The following CCDC14 variants were observed in gnomAD, a reference collection of about 807,000 sequenced individuals.
The protein encoded by CCDC14 is coiled-coil domain-containing protein 14.
CCDC14 carries 71 observed loss-of-function variants against 81.4 expected under a neutral mutation model. The ratio of observed to expected loss-of-function variants is 0.87; its 90% CI spans 0.72 to 1.06. CCDC14 has a LOEUF of 1.06. Among genes scored for constraint, CCDC14 ranks in the 50% least tolerant of loss-of-function variants. The pLI is 0.00. For synonymous variants in CCDC14, 332 were observed against 364.8 expected (o/e 0.91, Z 1.03); for missense variants, 1,046 against 1,047.3 (o/e 1.00, Z 0.02).
Position 123,913,922 on chromosome 3 carries a change from A to G in CCDC14, c.*857T>C. Reference sequence around the variant, plus strand: ...AAGCAGAGAGACCAACCTACTTCATATTATTTATAAAATAGAGAATATTCT... The same window carrying G: ...AAGCAGAGAGACCAACCTACTTCATGTTATTTATAAAATAGAGAATATTCT... On this transcript the variant is annotated 3_prime_UTR_variant, in exon 13 of 13. Transcript: ENST00000409697. 2.0e-6 allele frequency: 2 copies of G among 985,130 alleles called. No individual in the cohort carries two copies. The highest frequency in any genetic ancestry group is 2.4e-6 in the Non-Finnish European group (2 of 829,380). The allele number at this position is 985,130 out of a possible 1,614,324, so 61.0% of individuals were successfully genotyped here.
At chr3:123,906,428 A>G (rs181874039) in intron 5 of CCDC14, among the ~76,000 whole-genome samples, 148 of 144,898 alleles carry the variant, frequency 1.0e-3, no homozygotes, top group African/African-American at 3.8e-3. Context: ...AGACAAAGAA[A>G]TGAAAAAAAA....
At chr3:123,921,719 T>G (rs2035057358) in intron 12 of CCDC14, among the ~76,000 whole-genome samples, 1 of 152,138 alleles carries the variant, frequency 6.6e-6, no homozygotes, top group African/African-American at 2.4e-5. Flanking sequence ...ATAAAATACA[T>G]TAACACTAAC....
chr3:123,895,446 G>A (rs546878309), downstream of CCDC14, among the ~76,000 whole-genome samples: 1 of 152,320 alleles, frequency 6.6e-6, no homozygotes, highest in South Asian at 2.1e-4. Flanking sequence ...ATCCAGATCA[G>A]CATTGGTGGG....
At chr3:123,893,729 T>C (rs1308749298), downstream of CCDC14, among the ~76,000 whole-genome samples, 1 of 152,170 alleles carries the variant, frequency 6.6e-6, no homozygotes, top group Non-Finnish European at 1.5e-5. Context: ...CTCATTAATA[T>C]ATATTATTTT....
At chr3:123,895,833 G>C (rs905661188), downstream of CCDC14, among the ~76,000 whole-genome samples, 1 of 152,186 alleles carries the variant, frequency 6.6e-6, no homozygotes, top group African/African-American at 2.4e-5. Flanking sequence ...ATGTAAATTG[G>C]TACAACATTA....
intron 10 of CCDC14, 189 bp downstream of exon 10, chr3:123,933,484 A>G (rs1290358595): frequency 1.8e-6 from 1 of 566,452 alleles, no homozygotes; most frequent in Non-Finnish European, 3.1e-6. Context: ...AAGGAAACAC[A>G]CTCCTGTATT....
chr3:123,951,537 T>C (rs2037021548), intron 5 of CCDC14, among the ~76,000 whole-genome samples: 1 of 152,210 alleles, frequency 6.6e-6, no homozygotes, highest in Admixed American at 6.5e-5. Flanking sequence ...AAATCTAAAA[T>C]GATAGAGGGT....
rs1293429160 is a variant in CCDC14 at position 123,961,188 on chromosome 3, G to A, written c.-15C>T. 1.9e-6 allele frequency: 3 copies of A among 1,551,522 alleles called. No homozygotes were observed. The highest frequency in any genetic ancestry group is 2.4e-5 in the East Asian group (1 of 40,936). ...GACCTGACCATCTCTCGCCGCCTCA[G>A]AGAAGCCCAGACCGAGGGAAGTGAA... On this transcript the variant is annotated 5_prime_UTR_variant, in exon 1 of 13. Coordinates refer to ENST00000409697, the MANE Select transcript of CCDC14 (RefSeq NM_001366335.1).
chr3:123,933,457 G>T (rs770829599), intron 10 of CCDC14: 13 of 531,618 alleles, frequency 2.4e-5, no homozygotes, highest in Non-Finnish European at 4.3e-5. Flanking sequence ...AATTATATAT[G>T]AAGAGAAGAT....
intron 5 of CCDC14, among the ~76,000 whole-genome samples, chr3:123,904,025 G>A (rs780714042): frequency 1.6e-4 from 24 of 152,064 alleles, no homozygotes; most frequent in African/African-American, 5.3e-4. Flanking sequence ...AATTCCCTAC[G>A]TTAAATCTCT....
At chr3:123,909,690 C>T (rs2034399452), downstream of CCDC14, among the ~76,000 whole-genome samples, 1 of 152,130 alleles carries the variant, frequency 6.6e-6, no homozygotes. Flanking sequence ...TTGTAGTTTG[C>T]AAAACATTTT....
At chr3:123,917,679 T>C (rs775527857) in intron 12 of CCDC14, among the ~76,000 whole-genome samples, 3 of 151,370 alleles carry the variant, frequency 2.0e-5, no homozygotes, top group East Asian at 1.9e-4. Flanking sequence ...CAAATTAGCA[T>C]AGTAAAATAA....
intron 10 of CCDC14, 163 bp downstream of exon 10, chr3:123,933,509 CA>C (rs565263161): frequency 7.0e-6 from 4 of 574,800 alleles, no homozygotes; most frequent in Admixed American, 3.2e-5. Context: ...AACAAACAAA[CA>C]AAAAAAGGTG....
downstream of CCDC14, chr3:123,913,282 C>G: frequency 1.6e-6 from 1 of 640,994 alleles, no homozygotes; most frequent in Non-Finnish European, 1.9e-6. Context: ...TAATTGAACA[C>G]ACAAGCGTTT....
chr3:123,914,353 C>T lies in CCDC14; in HGVS notation c.*426G>A, dbSNP rs1287279326. 15 of 984,208 alleles carry T rather than the reference C, an allele frequency of 1.5e-5. No individual in the cohort carries two copies. The highest frequency in any genetic ancestry group is 1.6e-5 in the Non-Finnish European group (13 of 829,406). 61.0% of individuals were successfully genotyped at this position (984,208 alleles called of 1,614,324 possible). On this transcript the variant is annotated 3_prime_UTR_variant, in exon 13 of 13. Coordinates refer to ENST00000409697, the MANE Select transcript of CCDC14 (RefSeq NM_001366335.1). ...CAGCATGTTTAATAAAAACACATTGCTATTAAAAAAAAGTATATGTAAACA... is the reference window on the plus strand; with the variant it reads ...CAGCATGTTTAATAAAAACACATTGTTATTAAAAAAAAGTATATGTAAACA...
Position 123,914,910 on chromosome 3 carries a change from C to T in CCDC14, c.2587G>A (p.Asp863Asn). 1.9e-6 allele frequency: 3 copies of T among 1,613,984 alleles called. No individual in the cohort carries two copies. The highest frequency in any genetic ancestry group is 2.5e-6 in the Non-Finnish European group (3 of 1,179,884). ...GTTGAAAACGAAGAGATGCTCCAGT[C>T]AGACATCAAGTCAGAAGTGAAAACA... ...GSVFTSDLMS[D>N]WSISSFSTFT... The change falls in exon 13 of 13, where the codon GAC becomes AAC. Residue 863 changes from aspartate (D) to asparagine (N), a missense_variant. Coordinates refer to ENST00000409697, the MANE Select transcript of CCDC14 (RefSeq NM_001366335.1).
At chr3:123,927,907 G>A (rs893632996) in intron 12 of CCDC14, among the ~76,000 whole-genome samples, 5 of 152,108 alleles carry the variant, frequency 3.3e-5, no homozygotes, top group Non-Finnish European at 5.9e-5. Flanking sequence ...CTCCTACACA[G>A]GTAGAAGAAT....
chr3:123,956,125 A>C lies in CCDC14; in HGVS notation c.160-10T>G. 1.6e-5 allele frequency: 24 copies of C among 1,538,518 alleles called. No individual in the cohort carries two copies. Among genetic ancestry groups the C allele is most frequent in the Non-Finnish European group, 2.1e-5 (24 of 1,142,602 alleles). ...CGTGTACAGTTTCAGCCTGTAAGAA[A>C]TAAAGTCATTTAGAATACATTTGTA... is the stretch of plus-strand genomic sequence containing the variant. On this transcript the variant is annotated splice_polypyrimidine_tract_variant and intron_variant, in intron 3 of 12. Coordinates refer to ENST00000409697, the MANE Select transcript of CCDC14 (RefSeq NM_001366335.1).
intron 12 of CCDC14, among the ~76,000 whole-genome samples, chr3:123,919,888 C>A (rs1309596911): frequency 6.6e-6 from 1 of 152,072 alleles, no homozygotes; most frequent in Non-Finnish European, 1.5e-5. Context: ...AGAAAAATGA[C>A]ACCACTAAAA....
Sources: gnomAD v4.1 joint callset for allele counts (sites outside exome capture counted in the v4.1 genomes callset) on GRCh38, gnomAD v4.1.1 for gene constraint, MANE v1.5 for transcripts, NCBI Gene and HGNC (gene_info 2026-07-23, HGNC 2026-07-21) for gene names.